The following AMOTL1 variants were observed in gnomAD, a reference collection of about 807,000 sequenced individuals.
AMOTL1 encodes angiomotin-like protein 1.
Under a neutral mutation model 102.9 loss-of-function variants are expected in AMOTL1, and 45 were observed. The ratio of observed to expected loss-of-function variants is 0.44; its 90% CI spans 0.34 to 0.56. AMOTL1 has a LOEUF of 0.56. AMOTL1 is among the 20% of genes least tolerant of loss of function. The pLI is 0.01. For missense variants in AMOTL1, 1,114 were observed against 1,225.6 expected (o/e 0.91, Z 1.36); for synonymous variants, 481 against 484.7 (o/e 0.99, Z 0.10).
intron 2 of AMOTL1, among the ~76,000 whole-genome samples, chr11:94,798,017 G>T (rs991810265): frequency 5.9e-5 from 9 of 152,204 alleles, no homozygotes; most frequent in African/African-American, 2.2e-4. Context: ...GTGGGAATAA[G>T]ATGAGTGTCA....
intron 3 of AMOTL1, among the ~76,000 whole-genome samples, chr11:94,761,797 T>G (rs7128625): frequency 0.14 from 21,726 of 152,194 alleles, 3,273 homozygotes; most frequent in African/African-American, 0.36. Flanking sequence ...CTTCTCTGTC[T>G]TTCCTTGGCT....
chr11:94,733,013 T>C (rs991138717), intron 2 of AMOTL1, among the ~76,000 whole-genome samples: 1 of 152,264 alleles, frequency 6.6e-6, no homozygotes, highest in African/African-American at 2.4e-5. Context: ...AACATTGCCA[T>C]GTACATGATT....
At chr11:94,716,257 A>T (rs1030811994) in intron 1 of AMOTL1, among the ~76,000 whole-genome samples, 1 of 152,084 alleles carries the variant, frequency 6.6e-6, no homozygotes, top group Non-Finnish European at 1.5e-5. Flanking sequence ...GTTTCAAGAA[A>T]ATCTGTAACT....
intron 3 of AMOTL1, among the ~76,000 whole-genome samples, chr11:94,743,713 C>CA (rs1950557848): frequency 8.1e-6 from 1 of 123,126 alleles, no homozygotes. Context: ...GATGGGAGTG[C>CA]AATGGCATGA....
intron 1 of AMOTL1, among the ~76,000 whole-genome samples, chr11:94,787,796 G>T (rs1300369987): frequency 6.8e-6 from 1 of 145,998 alleles, no homozygotes; most frequent in Non-Finnish European, 1.5e-5. Flanking sequence ...GTCTATCAGA[G>T]ATTCTTGATT....
At chr11:94,820,568 C>A (rs111876561) in intron 3 of AMOTL1, among the ~76,000 whole-genome samples, 4 of 152,356 alleles carry the variant, frequency 2.6e-5, no homozygotes, top group Admixed American at 2.0e-4. Flanking sequence ...AATTTTTCCG[C>A]AGACAATCGC....
chr11:94,751,701 A>G (rs1439565271), intron 3 of AMOTL1, among the ~76,000 whole-genome samples: 1 of 96,316 alleles, frequency 1.0e-5, no homozygotes, highest in African/African-American at 1.0e-4. Context: ...TGCTTTGGCT[A>G]AAAAAAAAAA....
intron 2 of AMOTL1, among the ~76,000 whole-genome samples, chr11:94,734,837 T>G (rs1027814428): frequency 2.6e-5 from 4 of 152,222 alleles, no homozygotes; most frequent in Non-Finnish European, 4.4e-5. Context: ...TCTTTCATGC[T>G]TGAAATTGGT....
chr11:94,858,734 C>T (rs895154157), intron 8 of AMOTL1, among the ~76,000 whole-genome samples: 1 of 152,238 alleles, frequency 6.6e-6, no homozygotes, highest in Admixed American at 6.5e-5. Flanking sequence ...TGCTGCTGCT[C>T]TGAAGGCAGA....
rs1770976708 is a variant in AMOTL1 at position 94,799,296 on chromosome 11, C to G, written c.200-94C>G. The G allele has an allele frequency of 2.9e-6, 3 of 1,021,422 alleles. No individual in the cohort carries two copies. In the Admixed American group the frequency reaches 8.7e-5, roughly 29 times the overall value. 63.3% of individuals were successfully genotyped at this position (1,021,422 alleles called of 1,614,324 possible). A position where few individuals can be genotyped will look rare whatever the true frequency, so the allele number is the denominator to read the frequency against. ...TTTGAAATCTTATTTTTAAATGTTG[C>G]TGTAGTTAGAATGTTAATTATGTAC... On this transcript the variant is annotated intron_variant, in intron 2 of 12. Transcript: ENST00000433060. The surrounding 1 kb of genome is among the most constrained non-coding windows in gnomAD (Gnocchi z 4.5).
At chr11:94,745,985 G>A (rs944855163) in intron 3 of AMOTL1, among the ~76,000 whole-genome samples, 1 of 152,128 alleles carries the variant, frequency 6.6e-6, no homozygotes, top group African/African-American at 2.4e-5. Flanking sequence ...CTGAGGTTTT[G>A]GTGATAGTTC....
intron 6 of AMOTL1, among the ~76,000 whole-genome samples, chr11:94,836,256 A>G (rs1952178175): frequency 6.6e-6 from 1 of 152,216 alleles, no homozygotes; most frequent in African/African-American, 2.4e-5. Flanking sequence ...ATCAAGCATC[A>G]TTAGGAAGGA....
At chr11:94,857,689 G>A (rs1452988816) in intron 8 of AMOTL1, among the ~76,000 whole-genome samples, 1 of 152,206 alleles carries the variant, frequency 6.6e-6, no homozygotes, top group Non-Finnish European at 1.5e-5. Context: ...GAAGAGAGAA[G>A]GTTCTTGAAG....
At chr11:94,767,534 G>A (rs1358612208), upstream of AMOTL1, among the ~76,000 whole-genome samples, 2 of 152,160 alleles carry the variant, frequency 1.3e-5, no homozygotes, top group African/African-American at 4.8e-5. Flanking sequence ...ATCCTGGGCA[G>A]CAACTGTACA....
chr11:94,854,269 C>T (rs1373256105), intron 8 of AMOTL1, among the ~76,000 whole-genome samples, 187 bp downstream of exon 8: 1 of 152,184 alleles, frequency 6.6e-6, no homozygotes, highest in Non-Finnish European at 1.5e-5. Context: ...ACTGGAGTGA[C>T]AGATGTCCTC....
rs1203111452 is a variant in AMOTL1, at chr11:94,871,876, A to G, written c.*1081A>G. 6.6e-6 allele frequency: 1 copy of G among 152,092 alleles called. No individual in the cohort carries two copies. The highest frequency in any genetic ancestry group is 1.5e-5 in the Non-Finnish European group (1 of 68,034). 9.4% of individuals were successfully genotyped at this position (152,092 alleles called of 1,614,324 possible). ...AGGACAGCACTCCAGGAAACAGATG[A>G]CAATTTACAGACAGTTGTCTCAGTG... On this transcript the variant is annotated 3_prime_UTR_variant, in exon 13 of 13. Transcript: ENST00000433060.
intron 3 of AMOTL1, among the ~76,000 whole-genome samples, chr11:94,808,381 C>T (rs1303714024): frequency 2.6e-5 from 4 of 152,056 alleles, no homozygotes; most frequent in Admixed American, 2.6e-4. Context: ...TCTATTTAGC[C>T]CCCTGCATTT....
chr11:94,794,485 C>G (rs566707631), intron 1 of AMOTL1, among the ~76,000 whole-genome samples: 6 of 152,262 alleles, frequency 3.9e-5, no homozygotes, highest in Non-Finnish European at 8.8e-5. Context: ...CAGCTCCACA[C>G]TGTAACATTA....
chr11:94,857,571 TAAAAG>T lies in AMOTL1; in HGVS notation c.1945-1952_1945-1948del, dbSNP rs367922737. Among the ~76,000 whole-genome samples the T allele has an allele frequency of 7.7e-3, 1,176 of 152,276 alleles. 17 individuals are homozygous for T. The highest frequency in any genetic ancestry group is 0.027 in the African/African-American group (1,123 of 41,552). ...GGAGGGAAGTGAAAGAGAAAAAAGA[TAAAAG>T]AGAGAGGGGAATTTGCATTTTTAAG... is the stretch of plus-strand genomic sequence containing the variant. On this transcript the variant is annotated intron_variant, in intron 8 of 12. Coordinates refer to ENST00000433060, the MANE Select transcript of AMOTL1 (RefSeq NM_130847.3).
Sources: gnomAD v4.1 joint callset for allele counts (sites outside exome capture counted in the v4.1 genomes callset) on GRCh38, gnomAD v4.1.1 for gene constraint, Gnocchi (gnomAD v3.1) non-coding constraint, MANE v1.5 for transcripts, NCBI Gene and HGNC (gene_info 2026-07-23, HGNC 2026-07-21) for gene names.